STAC: variants seen among roughly 807,000 people sequenced by gnomAD.
STAC encodes the protein SH3 and cysteine rich domain.
STAC carries 43 observed loss-of-function variants against 48.8 expected under a neutral mutation model. The ratio of observed to expected loss-of-function variants is 0.88; its 90% CI spans 0.69 to 1.14. The LOEUF (loss-of-function observed/expected upper bound fraction) is 1.14, where lower values mean the gene tolerates loss of function less well. Ranked by LOEUF, STAC falls within the 50% of genes most tolerant of loss-of-function variation. The pLI is 0.00. For synonymous variants in STAC, 193 were observed against 179.5 expected (o/e 1.07, Z -0.60); for missense variants, 497 against 504.0 (o/e 0.99, Z 0.13).
At position 36,443,616 on chromosome 3, in the gene STAC, G is replaced by A. The variant is rs145108068; in HGVS notation, c.364G>A (p.Asp122Asn). The change falls in exon 2 of 11, where the codon GAT becomes AAT. Residue 122 changes from aspartate (D) to asparagine (N), a missense_variant. By Grantham distance (23) the Asp-to-Asn change is conservative. Coordinates refer to ENST00000273183, the MANE Select transcript of STAC (RefSeq NM_003149.3). This position sits in a 1 kb window ranked among gnomAD's most constrained non-coding sequence, Gnocchi z 4.2. ...EYIFKKPTFC[D>N]VCNHMIVGTN... ...CATCTTCAAGAAGCCCACTTTCTGT[G>A]ATGTCTGCAACCACATGATAGTGGG... is the stretch of plus-strand genomic sequence containing the variant. The A allele has an allele frequency of 1.9e-5, 30 of 1,612,872 alleles. No individual in the cohort carries two copies. The highest frequency in any genetic ancestry group is 1.6e-4 in the Middle Eastern group (1 of 6,084).
rs146456817 is a variant in STAC at position 36,443,458 on chromosome 3, T to C, written c.206T>C (p.Met69Thr). 1 of 1,614,146 alleles carries C rather than the reference T, an allele frequency of 6.2e-7. No individual in the cohort carries two copies. Among genetic ancestry groups the C allele is most frequent in the East Asian group, 2.2e-5 (1 of 44,864 alleles). The change falls in exon 2 of 11, where the codon ATG (methionine) becomes ACG (threonine). Residue 69 changes from methionine (M) to threonine (T), a missense_variant. By Grantham distance (81) the Met-to-Thr change is moderately conservative. Coordinates refer to ENST00000273183, the MANE Select transcript of STAC (RefSeq NM_003149.3). The surrounding 1 kb of genome is among the most constrained non-coding windows in gnomAD (Gnocchi z 4.2). ...NFFQRTNSED[M>T]KLQAHMVAEI... ...TTCCAGCGAACCAACAGCGAAGACA[T>C]GAAACTGCAAGCACACATGGTGGCT...
chr3:36,413,414 T>G (rs1262647255), intron 1 of STAC, among the ~76,000 whole-genome samples: 3 of 152,354 alleles, frequency 2.0e-5, no homozygotes, highest in Middle Eastern at 3.4e-3. Context: ...AATTGATCCC[T>G]TTACCATTAT....
intron 10 of STAC, among the ~76,000 whole-genome samples, chr3:36,544,021 A>G (rs1293956246): frequency 6.6e-6 from 1 of 152,150 alleles, no homozygotes; most frequent in Non-Finnish European, 1.5e-5. Context: ...GGTAGGACTC[A>G]TATTAAGGGT....
At chr3:36,453,835 T>A (rs1311884117) in intron 2 of STAC, among the ~76,000 whole-genome samples, 1 of 152,208 alleles carries the variant, frequency 6.6e-6, no homozygotes, top group African/African-American at 2.4e-5. Flanking sequence ...ATCGGCACTC[T>A]GCATCTAGCT....
chr3:36,408,013 G>A (rs1217968021), intron 1 of STAC, among the ~76,000 whole-genome samples: 1 of 152,186 alleles, frequency 6.6e-6, no homozygotes, highest in Admixed American at 6.5e-5. Context: ...AATGTGCTCA[G>A]TAACTAGAGG....
chr3:36,471,637 A>G (rs1013541251), intron 2 of STAC, among the ~76,000 whole-genome samples: 1 of 152,170 alleles, frequency 6.6e-6, no homozygotes, highest in African/African-American at 2.4e-5. Context: ...AATTGGCCAA[A>G]ACAAAGGAGT....
chr3:36,540,674 A>C (rs1165802220), intron 10 of STAC, among the ~76,000 whole-genome samples: 1 of 152,184 alleles, frequency 6.6e-6, no homozygotes, highest in African/African-American at 2.4e-5. Flanking sequence ...TCCTCCAGCC[A>C]CAGGGAGCTG....
At chr3:36,411,470 A>C (rs1038155302) in intron 1 of STAC, among the ~76,000 whole-genome samples, 1 of 152,210 alleles carries the variant, frequency 6.6e-6, no homozygotes, top group Admixed American at 6.5e-5. Flanking sequence ...TCAAACACAC[A>C]GAATATATTT....
intron 8 of STAC, among the ~76,000 whole-genome samples, chr3:36,517,038 T>C (rs1291045443): frequency 6.6e-6 from 1 of 152,140 alleles, no homozygotes; most frequent in East Asian, 1.9e-4. Flanking sequence ...TGATATCCAA[T>C]ATTTATCTTG....
In STAC at chr3:36,527,439, GT is replaced by G. The variant is rs573098665; in HGVS notation, c.921-1253del. The stretch of plus-strand genomic sequence containing the variant: ...TTAGAAACTATTTTTTTCTAAAAAT[GT>G]TTTCTGAAAACTTTTTCTAAAACAA... On this transcript the variant is annotated intron_variant, in intron 8 of 10. Transcript: ENST00000273183. Among the ~76,000 whole-genome samples, 336 of 152,036 alleles carry G rather than the reference GT, an allele frequency of 2.2e-3. No individual in the cohort carries two copies. The Middle Eastern group carries it at 0.024, about 11-fold the overall frequency.
At chr3:36,519,202 G>A (rs1276538577) in intron 8 of STAC, among the ~76,000 whole-genome samples, 2 of 152,180 alleles carry the variant, frequency 1.3e-5, no homozygotes, top group African/African-American at 4.8e-5. Flanking sequence ...AAAAAGAGGT[G>A]GTGAAAATTC....
intron 2 of STAC, among the ~76,000 whole-genome samples, chr3:36,461,993 G>A (rs12494487): frequency 0.12 from 18,338 of 152,056 alleles, 1,308 homozygotes; most frequent in East Asian, 0.31. Context: ...CTTCAATGGC[G>A]TGGGGGCGAG....
chr3:36,463,726 C>T (rs549345640), intron 2 of STAC, among the ~76,000 whole-genome samples: 40 of 140,220 alleles, frequency 2.9e-4, no homozygotes, highest in African/African-American at 1.0e-3. Flanking sequence ...CATGTGATCT[C>T]ATTGTTCAAT....
At chr3:36,530,580 C>CTTTTTTT (rs775751742) in intron 10 of STAC, among the ~76,000 whole-genome samples, 18 of 102,702 alleles carry the variant, frequency 1.8e-4, no homozygotes, top group African/African-American at 2.5e-4. Context: ...TTCACCTTTT[C>CTTTTTTT]TTTTTTTTTT....
At chr3:36,426,447 T>C (rs1700566297) in intron 1 of STAC, among the ~76,000 whole-genome samples, 1 of 152,248 alleles carries the variant, frequency 6.6e-6, no homozygotes, top group Non-Finnish European at 1.5e-5. Context: ...TAAGTTCCTA[T>C]AAATCTAACA....
intron 1 of STAC, among the ~76,000 whole-genome samples, chr3:36,387,904 T>G (rs76570776): frequency 6.6e-6 from 1 of 152,076 alleles, no homozygotes; most frequent in East Asian, 1.9e-4. Flanking sequence ...TTTTGAGAAA[T>G]TGCCATCCTA....
chr3:36,410,188 C>G (rs73059930), intron 1 of STAC, among the ~76,000 whole-genome samples: 3,536 of 152,094 alleles, frequency 0.023, 61 homozygotes, highest in East Asian at 0.026. Flanking sequence ...GAAAATGTAA[C>G]GCATTTTCTG....
chr3:36,498,974 T>C (rs1479777050), intron 6 of STAC, among the ~76,000 whole-genome samples: 17 of 152,228 alleles, frequency 1.1e-4, no homozygotes, highest in Non-Finnish European at 2.5e-4. Context: ...GACTGTTACT[T>C]CTTACAAATT....
intron 2 of STAC, among the ~76,000 whole-genome samples, chr3:36,444,586 C>G (rs1455007373): frequency 1.3e-5 from 2 of 152,318 alleles, no homozygotes; most frequent in East Asian, 3.9e-4. Flanking sequence ...GTGACTTAGT[C>G]TACTGGCATT....
Sources: allele counts gnomAD v4.1 joint callset (sites outside exome capture counted in the v4.1 genomes callset), GRCh38; gene constraint gnomAD v4.1.1; non-coding constraint Gnocchi (gnomAD v3.1); transcripts MANE v1.5; gene names NCBI Gene and HGNC (gene_info 2026-07-23, HGNC 2026-07-21).